Variants in BRWD3 observed in about 807,000 individuals in gnomAD.
The protein encoded by BRWD3 is bromodomain and WD repeat-containing protein 3.
BRWD3 carries 10 observed loss-of-function variants against 149.7 expected under a neutral mutation model. That is an observed-to-expected ratio of 0.07 (90% confidence interval 0.04 to 0.11). BRWD3 has a LOEUF of 0.11. BRWD3 is among the 10% of genes least tolerant of loss of function. The pLI is 1.00. For missense variants in BRWD3, 940 were observed against 1,373.2 expected (o/e 0.68, Z 4.99); for synonymous variants, 504 against 456.7 (o/e 1.10, Z -1.32).
intron 17 of BRWD3, among the ~76,000 whole-genome samples, chrX:80,720,136 T>C (rs987909871): frequency 5.4e-5 from 6 of 112,140 alleles, no homozygotes; most frequent in African/African-American, 1.9e-4. Context: ...TAAATGACTA[T>C]ATTACTGTTT....
At chrX:80,687,024 A>G in intron 34 of BRWD3, 21 bp from the exon 35 acceptor site, 2 of 1,202,589 alleles carry the variant, frequency 1.7e-6, no homozygotes, top group Admixed American at 2.2e-5. Context: ...TAATAGAGTT[A>G]TATCTAAAAG....
intron 4 of BRWD3, among the ~76,000 whole-genome samples, chrX:80,803,101 CAAA>C (rs61306754): frequency 0.012 from 277 of 24,012 alleles, 3 homozygotes; most frequent in Middle Eastern, 0.059. Flanking sequence ...GACTCCATCT[CAAA>C]AAAAAAAAAA....
intron 20 of BRWD3, among the ~76,000 whole-genome samples, chrX:80,714,317 T>C (rs1267621059): frequency 1.0e-5 from 1 of 100,042 alleles, no homozygotes; most frequent in Admixed American, 1.1e-4. Context: ...AACCTTGGCC[T>C]CCAAGGTTCA....
At chrX:80,732,128 C>T in intron 12 of BRWD3, among the ~76,000 whole-genome samples, 1 of 110,942 alleles carries the variant, frequency 9.0e-6, no homozygotes, top group Non-Finnish European at 1.9e-5. Flanking sequence ...ATATATGAAA[C>T]ATAAATGAAC....
At chrX:80,757,145 T>C (rs958730696) in intron 6 of BRWD3, among the ~76,000 whole-genome samples, 6 of 112,156 alleles carry the variant, frequency 5.3e-5, no homozygotes, top group East Asian at 2.8e-4. Context: ...TTTTAGTATA[T>C]ATAATTAGTT....
intron 4 of BRWD3, among the ~76,000 whole-genome samples, chrX:80,801,136 G>T (rs1236669695): frequency 4.7e-5 from 5 of 105,601 alleles, no homozygotes; most frequent in Non-Finnish European, 7.8e-5. Context: ...TCTAAAAAAA[G>T]TTAAGAAAAC....
chrX:80,790,320 C>G (rs1602440129), intron 6 of BRWD3, among the ~76,000 whole-genome samples: 1 of 110,401 alleles, frequency 9.1e-6, no homozygotes, highest in African/African-American at 3.3e-5. Context: ...AGAAAACTGC[C>G]TCAAATCACA....
At chrX:80,756,309 C>T (rs1263230524) in intron 6 of BRWD3, among the ~76,000 whole-genome samples, 1 of 109,023 alleles carries the variant, frequency 9.2e-6, no homozygotes, top group Non-Finnish European at 1.9e-5. Flanking sequence ...CAAGACCAGC[C>T]TGATCAACAT....
chrX:80,757,665 A>G (rs1391129034), intron 6 of BRWD3, among the ~76,000 whole-genome samples: 1 of 112,352 alleles, frequency 8.9e-6, no homozygotes, highest in Non-Finnish European at 1.9e-5. Context: ...CCATACTATA[A>G]GCTTCTAAAT....
At chrX:80,769,430 T>G (rs888222376) in intron 6 of BRWD3, among the ~76,000 whole-genome samples, 6 of 111,562 alleles carry the variant, frequency 5.4e-5, no homozygotes, top group Non-Finnish European at 7.5e-5. Context: ...AACTCAGGAT[T>G]AAGAAACTCA....
chrX:80,737,641 A>G (rs1016682436), intron 8 of BRWD3, among the ~76,000 whole-genome samples: 1 of 111,744 alleles, frequency 8.9e-6, no homozygotes, highest in Admixed American at 9.5e-5. Context: ...TCGAAACGAG[A>G]CTGGCCGATA....
chrX:80,729,105 G>GA (rs947724793), intron 13 of BRWD3, among the ~76,000 whole-genome samples, 200 bp from the exon 14 acceptor site: 9 of 110,864 alleles, frequency 8.1e-5, no homozygotes, highest in African/African-American at 2.9e-4. Flanking sequence ...ATTTCAGGGA[G>GA]AAAAAAAGAC....
chrX:80,787,558 T>TA (rs1433608887), intron 6 of BRWD3, among the ~76,000 whole-genome samples: 1 of 104,289 alleles, frequency 9.6e-6, no homozygotes, highest in Non-Finnish European at 1.9e-5. Context: ...ATACTGGAAT[T>TA]AGACACCCAT....
chrX:80,681,274 T>C (rs2072443363), intron 40 of BRWD3, 67 bp downstream of exon 40: 1 of 1,109,401 alleles, frequency 9.0e-7, no homozygotes, highest in Admixed American at 2.2e-5. Context: ...ATGTCAGCTT[T>C]TAAATGATTT....
At chrX:80,788,304 T>G (rs1249972817) in intron 6 of BRWD3, among the ~76,000 whole-genome samples, 1 of 109,315 alleles carries the variant, frequency 9.1e-6, no homozygotes, top group Admixed American at 9.9e-5. Context: ...AGGAGACAAC[T>G]GCACATTGAG....
At chrX:80,783,211 C>A (rs2074073275) in intron 6 of BRWD3, among the ~76,000 whole-genome samples, 2 of 109,517 alleles carry the variant, frequency 1.8e-5, no homozygotes, top group Non-Finnish European at 3.8e-5. Context: ...CGTGGTGAAA[C>A]CCCATCTCTA....
chrX:80,692,994 T>C lies in BRWD3; in HGVS notation c.3209A>G (p.Gln1070Arg). ...DAWWFGTVESQQPFQPEYPDS... is the reference protein window; with the variant it reads ...DAWWFGTVESRQPFQPEYPDS... ...AGGATACTCTGGTTGAAAAGGCTGC[T>C]GACTCTCCACAGTCCCAAACCACCA... The change falls in exon 28 of 41, where the codon CAG (glutamine) becomes CGG (arginine). Residue 1070 changes from glutamine to arginine, a missense_variant. Coordinates refer to ENST00000373275, the MANE Select transcript of BRWD3 (RefSeq NM_153252.5). 1 of 1,211,492 alleles carries C rather than the reference T, an allele frequency of 8.3e-7. No individual in the cohort carries two copies. The highest frequency in any genetic ancestry group is 1.1e-6 in the Non-Finnish European group (1 of 895,053).
intron 20 of BRWD3, among the ~76,000 whole-genome samples, chrX:80,711,115 T>C (rs1175444942): frequency 8.9e-6 from 1 of 112,106 alleles, no homozygotes; most frequent in East Asian, 2.8e-4. Context: ...GTCATATGTG[T>C]ATATATAATG....
chrX:80,801,380 C>G (rs931319489), intron 4 of BRWD3, among the ~76,000 whole-genome samples: 1 of 106,623 alleles, frequency 9.4e-6, no homozygotes, highest in Non-Finnish European at 1.9e-5. Flanking sequence ...GCCACCGCGC[C>G]TAATTTTTTG....
Sources: allele counts gnomAD v4.1 joint callset (sites outside exome capture counted in the v4.1 genomes callset), GRCh38; gene constraint gnomAD v4.1.1; transcripts MANE v1.5; gene names NCBI Gene and HGNC (gene_info 2026-07-23, HGNC 2026-07-21).